Variants in GEN1 observed in about 807,000 individuals in gnomAD.
GEN1 encodes GEN1 structure-specific endonuclease, also known as flap endonuclease GEN homolog 1.
In GEN1, 64 loss-of-function variants were observed where a neutral mutation model predicts 67.6. The observed-to-expected ratio is 0.95, with a 90% confidence interval of 0.77 to 1.17. GEN1 has a LOEUF of 1.17. GEN1 is among the 50% of genes most tolerant of loss of function. The pLI, the probability that GEN1 is intolerant of heterozygous loss-of-function variation, is 0.00. For synonymous variants in GEN1, 371 were observed against 359.4 expected, an observed-to-expected ratio of 1.03 and a Z score of -0.37; for missense variants, 1,058 against 1,048.3, an observed-to-expected ratio of 1.01 and a Z score of -0.13.
At position 17,786,369 on chromosome 2, in the gene GEN1, ACT is replaced by A. The variant is rs1214889833; in HGVS notation, c.*4433_*4434del. 6 of 152,122 alleles carry A rather than the reference ACT, an allele frequency of 3.9e-5. No individual in the cohort carries two copies. Among genetic ancestry groups the A allele is most frequent in the African/African-American group, 1.4e-4 (6 of 41,414 alleles). The allele number at this position is 152,122 out of a possible 1,614,324, so 9.4% of individuals were successfully genotyped here. A position where few individuals can be genotyped will look rare whatever the true frequency, so the allele number is the denominator to read the frequency against. On this transcript the variant is annotated 3_prime_UTR_variant, in exon 14 of 14. Transcript: ENST00000381254. ...GGAGATGTGTTTTCAGAAGAAGGAAACTCTAGATTAGCATCACACAAGGGATC... is the reference window on the plus strand; with the variant it reads ...GGAGATGTGTTTTCAGAAGAAGGAAACTAGATTAGCATCACACAAGGGATC...
rs768841979 is a variant in GEN1, at chr2:17,778,034, A to G, written c.1235A>G (p.His412Arg). 1.3e-6 allele frequency: 2 copies of G among 1,596,734 alleles called. No individual in the cohort carries two copies. Among genetic ancestry groups the G allele is most frequent in the Non-Finnish European group, 8.6e-7 (1 of 1,166,208 alleles). Residue 412 changes from histidine (H) to arginine (R), a missense_variant, in exon 12 of 14, where the codon CAT becomes CGT. Physicochemically the swap from His to Arg is conservative, Grantham distance 29. Transcript: ENST00000381254. ...IVKTRIRNGV[H>R]CFEIEWEKPE... is the part of the protein sequence containing the mutation. ...AAGACTCGAATCAGAAATGGAGTTC[A>G]TTGTTTTGAAATAGAATGGGAAAAG...
In GEN1 at chr2:17,788,502, T is replaced by C. The variant is rs900183142; in HGVS notation, c.*6563T>C. On this transcript the variant is annotated 3_prime_UTR_variant, in exon 14 of 14. Transcript: ENST00000381254. ...GTGGGCAGAATGAATATTTTGCTAATGTTTAGAAGAATTCCTTTTGTAAGC... is the reference window on the plus strand; with the variant it reads ...GTGGGCAGAATGAATATTTTGCTAACGTTTAGAAGAATTCCTTTTGTAAGC... 1.3e-5 allele frequency: 2 copies of C among 152,254 alleles called. No individual in the cohort carries two copies. The highest frequency in any genetic ancestry group is 4.8e-5 in the African/African-American group (2 of 41,468). 9.4% of individuals were successfully genotyped at this position (152,254 alleles called of 1,614,324 possible). A position where few individuals can be genotyped will look rare whatever the true frequency, so the allele number is the denominator to read the frequency against.
rs545372070 is a variant in GEN1 at position 17,784,354 on chromosome 2, A to G, written c.*2415A>G. ...GTGGAGAAATTGAAATTCTCATAAC[A>G]TGCTGGTAGGAATGTAAAATGGGGC... On this transcript the variant is annotated 3_prime_UTR_variant, in exon 14 of 14. Coordinates refer to ENST00000381254, the MANE Select transcript of GEN1 (RefSeq NM_001130009.3). 6 of 152,230 alleles carry G rather than the reference A, an allele frequency of 3.9e-5. No homozygotes were observed. Among genetic ancestry groups the G allele is most frequent in the Non-Finnish European group, 8.8e-5 (6 of 68,042 alleles). 9.4% of individuals were successfully genotyped at this position (152,230 alleles called of 1,614,324 possible). A position where few individuals can be genotyped will look rare whatever the true frequency, so the allele number is the denominator to read the frequency against.
chr2:17,754,555 C>T (rs1671307010), intron 1 of GEN1: 1 of 152,272 alleles, frequency 6.6e-6, no homozygotes, highest in Non-Finnish European at 1.5e-5. Flanking sequence ...CGTCACCCCG[C>T]CTCGGGAAAG....
In GEN1 at chr2:17,782,091, A is replaced by G. The variant is rs1672870124; in HGVS notation, c.*152A>G. The G allele has an allele frequency of 5.9e-6, 3 of 510,688 alleles. No homozygotes were observed. The South Asian group carries it at 1.1e-4, about 18-fold the overall frequency. 31.6% of individuals were successfully genotyped at this position (510,688 alleles called of 1,614,324 possible). Reference sequence around the variant, plus strand: ...TTTTAATCAAAGTTGTAATTTTTAAAAAGTCACCTAAAACTCTGGTTTTAA... The same window carrying G: ...TTTTAATCAAAGTTGTAATTTTTAAGAAGTCACCTAAAACTCTGGTTTTAA... On this transcript the variant is annotated 3_prime_UTR_variant, in exon 14 of 14. Transcript: ENST00000381254.
rs1408059259 is a variant in GEN1, at chr2:17,768,787, T to A, written c.686T>A (p.Leu229Ter). The A allele has an allele frequency of 6.2e-7, 1 of 1,610,232 alleles. No individual in the cohort carries two copies. Among genetic ancestry groups the A allele is most frequent in the Non-Finnish European group, 8.5e-7 (1 of 1,177,226 alleles). Residue 229 changes from leucine (L) to a stop codon, truncating the protein, a stop_gained, in exon 6 of 14, where the codon TTG becomes TAG. Transcript: ENST00000381254. LOFTEE classifies it high-confidence loss of function. ...CAAGCATTAAAACTTATACAGATTTTGAAAGGGCAAAGTTTACTTCAGAGG... is the reference window on the plus strand; with the variant it reads ...CAAGCATTAAAACTTATACAGATTTAGAAAGGGCAAAGTTTACTTCAGAGG... The part of the protein sequence containing the change: ...KEQALKLIQI[L>*]KGQSLLQRFN...
At chr2:17,758,077 G>A (rs1345553240) in intron 1 of GEN1, among the ~76,000 whole-genome samples, 1 of 152,044 alleles carries the variant, frequency 6.6e-6, no homozygotes, top group African/African-American at 2.4e-5. Flanking sequence ...ATCTAATTTA[G>A]TTTGAATATT....
intron 2 of GEN1, among the ~76,000 whole-genome samples, chr2:17,760,510 C>A (rs1303354340): frequency 6.6e-6 from 1 of 152,224 alleles, no homozygotes; most frequent in Admixed American, 6.5e-5. Flanking sequence ...CCAACCTCAT[C>A]TCTCATCTAT....
At chr2:17,778,323 C>CATATATGTATATACACACACATATGTGT (rs1553331284) in intron 12 of GEN1, among the ~76,000 whole-genome samples, 1 of 30,870 alleles carries the variant, frequency 3.2e-5, no homozygotes, top group African/African-American at 1.1e-4. Context: ...TACACACACA[C>CATATATGTATATACACACACATATGTGT]GTGTACATAT....
chr2:17,785,273 A>G lies in GEN1; in HGVS notation c.*3334A>G, dbSNP rs1673020446. ...AAATTATAGTTCCTCCTCCTCAAGGATTTCTCTGTTTTCATTGTCCAGGTT... is the reference window on the plus strand; with the variant it reads ...AAATTATAGTTCCTCCTCCTCAAGGGTTTCTCTGTTTTCATTGTCCAGGTT... On this transcript the variant is annotated 3_prime_UTR_variant, in exon 14 of 14. Coordinates refer to ENST00000381254, the MANE Select transcript of GEN1 (RefSeq NM_001130009.3). 6.6e-6 allele frequency: 1 copy of G among 152,158 alleles called. No individual in the cohort carries two copies. Among genetic ancestry groups the G allele is most frequent in the African/African-American group, 2.4e-5 (1 of 41,424 alleles). The allele number at this position is 152,158 out of a possible 1,614,324, so 9.4% of individuals were successfully genotyped here. A position where few individuals can be genotyped will look rare whatever the true frequency, so the allele number is the denominator to read the frequency against.
intron 11 of GEN1, 106 bp from the exon 12 acceptor site, chr2:17,777,896 G>A (rs1672515842): frequency 8.0e-6 from 5 of 625,792 alleles, no homozygotes; most frequent in South Asian, 5.1e-5. Context: ...TCCTTAAAAT[G>A]TTTTTACCTG....
At position 17,765,021 on chromosome 2, in the gene GEN1, C is replaced by A; in HGVS notation, c.473C>A (p.Thr158Asn). The change falls in exon 4 of 14, where the codon ACT (threonine) becomes AAT (asparagine). Residue 158 changes from threonine (T) to asparagine (N), a missense_variant. Transcript: ENST00000381254. ...GGCTGCCTCACCAATGATGGAGATA[C>A]TTTCCTTTATGGGGCCCAGACTGTT... ...VDGCLTNDGD[T>N]FLYGAQTVYR... 6.2e-7 allele frequency: 1 copy of A among 1,614,148 alleles called. No homozygotes were observed. The highest frequency in any genetic ancestry group is 8.5e-7 in the Non-Finnish European group (1 of 1,180,004).
intron 5 of GEN1, among the ~76,000 whole-genome samples, chr2:17,767,982 C>T (rs889828202): frequency 1.3e-5 from 2 of 152,172 alleles, no homozygotes; most frequent in African/African-American, 4.8e-5. Context: ...TTTTTAGTAG[C>T]TGGATTCTGG....
chr2:17,778,592 G>T (rs1248715878), intron 12 of GEN1, among the ~76,000 whole-genome samples: 1 of 150,570 alleles, frequency 6.6e-6, no homozygotes, highest in Non-Finnish European at 1.5e-5. Flanking sequence ...GATAAACTTT[G>T]ATTTTATTTT....
At chr2:17,756,510 A>G (rs1671440901) in intron 1 of GEN1, among the ~76,000 whole-genome samples, 1 of 152,222 alleles carries the variant, frequency 6.6e-6, no homozygotes, top group Non-Finnish European at 1.5e-5. Context: ...CCACACCAAA[A>G]AAATTTAAAA....
chr2:17,757,010 T>A (rs1189904995), intron 1 of GEN1, among the ~76,000 whole-genome samples: 3 of 152,226 alleles, frequency 2.0e-5, no homozygotes, highest in Non-Finnish European at 4.4e-5. Context: ...TTAATTGCGT[T>A]CTTAAAATAT....
At chr2:17,758,858 A>C (rs1369210642) in intron 1 of GEN1, among the ~76,000 whole-genome samples, 2 of 151,966 alleles carry the variant, frequency 1.3e-5, no homozygotes, top group Non-Finnish European at 2.9e-5. Flanking sequence ...TGTCTCAAAA[A>C]AAAAAAAAAA....
intron 4 of GEN1, 74 bp from the exon 5 acceptor site, chr2:17,766,505 A>G: frequency 2.5e-6 from 2 of 809,490 alleles, no homozygotes; most frequent in Non-Finnish European, 4.1e-6. Flanking sequence ...ACATTGACAA[A>G]TTATTTTTGT....
chr2:17,761,361 T>C, intron 2 of GEN1, 35 bp from the exon 3 acceptor site: 1 of 1,180,964 alleles, frequency 8.5e-7, no homozygotes. Flanking sequence ...TATCAGTGTT[T>C]GATGATTAAT....
Sources: gnomAD v4.1 joint callset for allele counts (sites outside exome capture counted in the v4.1 genomes callset) on GRCh38, gnomAD v4.1.1 for gene constraint, MANE v1.5 for transcripts, NCBI Gene and HGNC (gene_info 2026-07-23, HGNC 2026-07-21) for gene names.